The following SI variants were observed in gnomAD, a reference collection of about 807,000 sequenced individuals.
The protein encoded by SI is sucrase-isomaltase.
A neutral mutation model predicts 253.3 loss-of-function variants in SI; 235 were observed. The ratio of observed to expected loss-of-function variants is 0.93; its 90% CI spans 0.83 to 1.03. The LOEUF is 1.03. SI is among the 50% of genes least tolerant of loss of function. SI has a pLI of 0.00. For synonymous variants in SI, 819 were observed against 712.0 expected, an observed-to-expected ratio of 1.15 and a Z score of -2.39; for missense variants, 2,442 against 2,211.1, an observed-to-expected ratio of 1.10 and a Z score of -2.09.
rs922858667 is a variant in SI, at chr3:165,047,005, G to C, written c.1723C>G (p.Gln575Glu). The C allele has an allele frequency of 6.2e-6, 10 of 1,600,666 alleles. No homozygotes were observed. The highest frequency in any genetic ancestry group is 7.7e-6 in the Non-Finnish European group (9 of 1,171,930). Residue 575 changes from glutamine (Q) to glutamate (E), a missense_variant, in exon 16 of 48, where the codon CAA becomes GAA. Gln to Glu is a conservative substitution (Grantham distance 29). Coordinates refer to ENST00000264382, the MANE Select transcript of SI (RefSeq NM_001041.4). ...SMAIATEQAV[Q>E]KVFPNKRSFI... ...CTTCTCTTATTAGGAAAAACTTTTT[G>C]TACAGCTCTAAAAATAAAACCAAAT... is the stretch of plus-strand genomic sequence containing the variant.
the SI span, among the ~76,000 whole-genome samples, chr3:165,089,493 C>G: frequency 6.6e-6 from 1 of 152,060 alleles, no homozygotes; most frequent in South Asian, 2.1e-4. Context: ...GAATAAGGGG[C>G]CAGTGTGGCT....
intron 2 of SI, among the ~76,000 whole-genome samples, chr3:165,075,574 A>G (rs186997769): frequency 1.3e-5 from 2 of 151,914 alleles, no homozygotes; most frequent in Non-Finnish European, 2.9e-5. Context: ...AGGTTTTCCC[A>G]CTAATGAGAT....
At chr3:165,073,714 C>CA (rs1468842079) in intron 3 of SI, among the ~76,000 whole-genome samples, 3 of 151,640 alleles carry the variant, frequency 2.0e-5, no homozygotes, top group South Asian at 4.2e-4. Context: ...TTTCAAGGAA[C>CA]AAAAAATATC....
rs151109613 is a variant in SI at position 165,003,660 on chromosome 3, T to G, written c.4406+3156A>C. 5.9e-5 allele frequency among the ~76,000 whole-genome samples: 9 copies of G among 152,204 alleles called. No individual in the cohort carries two copies. In the East Asian group the frequency reaches 1.7e-3, roughly 29 times the overall value. On this transcript the variant is annotated intron_variant, in intron 37 of 47. Transcript: ENST00000264382. ...TCTTTTATCAACTTCAGCTATTTGT[T>G]AGAACAGAAGTTTTCAACCCTGTCT...
Position 164,979,060 on chromosome 3 carries a change from T to G in SI, c.*302A>C, listed in dbSNP as rs1352568202. On this transcript the variant is annotated 3_prime_UTR_variant, in exon 48 of 48. Coordinates refer to ENST00000264382, the MANE Select transcript of SI (RefSeq NM_001041.4). Reference sequence around the variant, plus strand: ...TTTTATTTAATTTAAAAATCACGTTTAAATTATATCTTAGCTATTTACATA... The same window carrying G: ...TTTTATTTAATTTAAAAATCACGTTGAAATTATATCTTAGCTATTTACATA... 3 of 205,464 alleles carry G rather than the reference T, an allele frequency of 1.5e-5. No homozygotes were observed. Among genetic ancestry groups the G allele is most frequent in the Admixed American group, 5.5e-5 (1 of 18,326 alleles). 12.7% of individuals were successfully genotyped at this position (205,464 alleles called of 1,614,324 possible).
At chr3:165,033,566 C>T in intron 22 of SI, 122 bp from the exon 23 acceptor site, 1 of 957,684 alleles carries the variant, frequency 1.0e-6, no homozygotes, top group Non-Finnish European at 1.4e-6. Context: ...ATGAAGCATC[C>T]CAAACAGATT....
chr3:165,029,018 C>CTAT (rs1236453800), intron 25 of SI, among the ~76,000 whole-genome samples: 2 of 151,536 alleles, frequency 1.3e-5, no homozygotes, highest in South Asian at 4.2e-4. Flanking sequence ...TCTTCACCAT[C>CTAT]TATACATCTG....
intron 41 of SI, 78 bp downstream of exon 41, chr3:164,994,179 T>C (rs1717905977): frequency 7.7e-7 from 1 of 1,291,250 alleles, no homozygotes; most frequent in Admixed American, 1.8e-5. Flanking sequence ...ATATTTTATA[T>C]TGCACTATAA....
chr3:165,039,399 C>T (rs1712701528), intron 19 of SI, among the ~76,000 whole-genome samples: 1 of 151,982 alleles, frequency 6.6e-6, no homozygotes, highest in Non-Finnish European at 1.5e-5. Flanking sequence ...TGTTATAAAA[C>T]ACATGGTCAT....
chr3:165,012,004 A>C (rs191063145), intron 34 of SI, among the ~76,000 whole-genome samples: 1 of 152,130 alleles, frequency 6.6e-6, no homozygotes, highest in Admixed American at 6.6e-5. Context: ...TGATTGTCTT[A>C]AAATGTATTT....
At chr3:165,011,569 G>A (rs544651064) in intron 34 of SI, among the ~76,000 whole-genome samples, 1 of 152,166 alleles carries the variant, frequency 6.6e-6, no homozygotes, top group Admixed American at 6.5e-5. Context: ...TGAGAAGAAT[G>A]TATATATGGC....
At chr3:165,009,774 C>T (rs769284171) in intron 34 of SI, among the ~76,000 whole-genome samples, 5 of 152,058 alleles carry the variant, frequency 3.3e-5, no homozygotes, top group African/African-American at 1.2e-4. Flanking sequence ...AGTATAAAGC[C>T]TGTTTTTATA....
At chr3:165,061,273 C>A (rs1345907078) in intron 9 of SI, among the ~76,000 whole-genome samples, 2 of 151,852 alleles carry the variant, frequency 1.3e-5, no homozygotes, top group African/African-American at 4.8e-5. Flanking sequence ...GATAGCTATG[C>A]CAACTTATGT....
intron 30 of SI, 37 bp downstream of exon 30, chr3:165,017,724 A>C (rs2108175331): frequency 6.3e-7 from 1 of 1,596,298 alleles, no homozygotes; most frequent in South Asian, 1.1e-5. Flanking sequence ...ATGCTATAAA[A>C]ATTTTTAATT....
At chr3:165,062,103 C>A (rs564631268) in intron 9 of SI, among the ~76,000 whole-genome samples, 1 of 151,776 alleles carries the variant, frequency 6.6e-6, no homozygotes, top group Admixed American at 6.6e-5. Context: ...ATATAATATT[C>A]AACATCTCAA....
intron 27 of SI, 127 bp from the exon 28 acceptor site, chr3:165,019,897 C>T (rs1271672902): frequency 3.5e-6 from 3 of 847,880 alleles, no homozygotes; most frequent in Non-Finnish European, 5.7e-6. Context: ...CTAATTATAC[C>T]CAGGTACCAA....
At chr3:164,998,394 C>A (rs1428358839) in intron 38 of SI, 146 bp downstream of exon 38, 2 of 784,244 alleles carry the variant, frequency 2.6e-6, no homozygotes, top group Non-Finnish European at 4.3e-6. Context: ...TCCTGGCCCA[C>A]TGTCTTTTTC....
Position 165,023,556 on chromosome 3 carries a change from T to A in SI, c.3099+14A>T, listed in dbSNP as rs1402356455. ...AGATGAGTTAAGCTTTGGGGTAGTT[T>A]ATATCAAGCATACCTTAAACTGCAA... On this transcript the variant is annotated intron_variant, in intron 26 of 47. Transcript: ENST00000264382. 6.3e-7 allele frequency: 1 copy of A among 1,591,024 alleles called. No homozygotes were observed. The highest frequency in any genetic ancestry group is 8.6e-7 in the Non-Finnish European group (1 of 1,160,178).
intron 25 of SI, among the ~76,000 whole-genome samples, chr3:165,027,355 T>C (rs1487178231): frequency 6.6e-6 from 1 of 151,266 alleles, no homozygotes; most frequent in Non-Finnish European, 1.5e-5. Context: ...CATGGATTCA[T>C]AGCAGAATTT....
Sources: gnomAD v4.1 joint callset for allele counts (sites outside exome capture counted in the v4.1 genomes callset) on GRCh38, gnomAD v4.1.1 for gene constraint, MANE v1.5 for transcripts, NCBI Gene and HGNC (gene_info 2026-07-23, HGNC 2026-07-21) for gene names.